Variants in CIB4 observed in about 807,000 individuals in gnomAD.
CIB4 encodes the protein calcium and integrin-binding family member 4.
Under a neutral mutation model 25.8 loss-of-function variants are expected in CIB4, and 25 were observed. The observed-to-expected ratio is 0.97, with a 90% CI of 0.71 to 1.35. The LOEUF (loss-of-function observed/expected upper bound fraction) is 1.35, where lower values mean the gene tolerates loss of function less well. Among genes scored for constraint, CIB4 ranks in the 40% most tolerant of loss-of-function variants. CIB4 has a pLI of 0.00. For synonymous variants in CIB4, 75 were observed against 81.4 expected (o/e 0.92, Z 0.42); for missense variants, 235 against 228.2 (o/e 1.03, Z -0.19).
Position 26,589,078 on chromosome 2 carries a change from T to TTCTTCTTCTTCTTCTTCC in CIB4, c.329-5181_329-5180insGGAAGAAGAAGAAGAAGA, listed in dbSNP as rs1558554948. ...CTTCTTCCTCTTCCTCTTCCTCTTC[T>TTCTTCTTCTTCTTCTTCC]TCTTCTTCTTCTTCTTCTTCTTCTT... On this transcript the variant is annotated intron_variant, in intron 4 of 6. Coordinates refer to ENST00000288861, the MANE Select transcript of CIB4 (RefSeq NM_001029881.3). 3.7e-4 allele frequency among the ~76,000 whole-genome samples: 12 copies of TTCTTCTTCTTCTTCTTCC among 32,572 alleles called. 2 individuals are homozygous for TTCTTCTTCTTCTTCTTCC. In the East Asian group the frequency reaches 4.5e-3, roughly 12 times the overall value. 21.4% of individuals were successfully genotyped at this position (32,572 alleles called of 152,430 possible).
intron 3 of CIB4, 33 bp downstream of exon 3, chr2:26,629,377 C>A (rs1332050190): frequency 7.2e-7 from 1 of 1,387,778 alleles, no homozygotes; most frequent in Admixed American, 2.0e-5. Context: ...CCCACTGATG[C>A]TGCCCTTGCC....
intron 3 of CIB4, chr2:26,623,497 C>T (rs1669243022): frequency 2.1e-6 from 1 of 471,182 alleles, no homozygotes. Flanking sequence ...GCAAGCTGTT[C>T]TAAGCAGATA....
At chr2:26,617,147 T>TGTGTGTGTGTGCGC (rs10665609) in intron 3 of CIB4, among the ~76,000 whole-genome samples, 27 of 150,410 alleles carry the variant, frequency 1.8e-4, no homozygotes, top group African/African-American at 6.4e-4. Context: ...TGTGTGTGTG[T>TGTGTGTGTGTGCGC]GCACGTGAGC....
Position 26,586,365 on chromosome 2 carries a change from CT to C in CIB4, c.329-2468del, listed in dbSNP as rs1668453264. On this transcript the variant is annotated intron_variant, in intron 4 of 6. Transcript: ENST00000288861. ...ACTCTCACCCAGAGATCCTCTAGGTCTTTATTCAAGTGTCGGCTCCTCCTAG... is the reference window on the plus strand; with the variant it reads ...ACTCTCACCCAGAGATCCTCTAGGTCTTATTCAAGTGTCGGCTCCTCCTAG... Among the ~76,000 whole-genome samples, 4 of 152,346 alleles carry C rather than the reference CT, an allele frequency of 2.6e-5. No individual in the cohort carries two copies. In the East Asian group the frequency reaches 7.7e-4, roughly 29 times the overall value.
At chr2:26,619,200 CAAAGG>C in intron 3 of CIB4, among the ~76,000 whole-genome samples, 1 of 152,154 alleles carries the variant, frequency 6.6e-6, no homozygotes, top group Non-Finnish European at 1.5e-5. Context: ...GGGATGAAAT[CAAAGG>C]AAAGAGGAGT....
intron 4 of CIB4, among the ~76,000 whole-genome samples, chr2:26,589,110 CTT>C (rs1210498100): frequency 9.0e-5 from 9 of 100,064 alleles, no homozygotes; most frequent in African/African-American, 4.7e-4. Context: ...TCTTCTTCCT[CTT>C]CTTCTTCTTC....
chr2:26,596,118 A>G (rs964473140), intron 3 of CIB4, among the ~76,000 whole-genome samples: 8 of 152,250 alleles, frequency 5.3e-5, no homozygotes, highest in African/African-American at 1.7e-4. Context: ...AAATAAAGGT[A>G]TAGATTTTCT....
Position 26,588,234 on chromosome 2 carries a change from C to G in CIB4, c.329-4336G>C, listed in dbSNP as rs540259168. The stretch of plus-strand genomic sequence containing the variant: ...CCCCAGGCGTCCTGCTGGCCCAGCT[C>G]TTCTATGCAGAGACTGCAGCAAATG... On this transcript the variant is annotated intron_variant, in intron 4 of 6. Coordinates refer to ENST00000288861, the MANE Select transcript of CIB4 (RefSeq NM_001029881.3). Among the ~76,000 whole-genome samples the G allele has an allele frequency of 3.3e-5, 5 of 152,382 alleles. No individual in the cohort carries two copies. The East Asian group carries it at 9.6e-4, about 29-fold the overall frequency.
At chr2:26,624,976 C>T (rs72857984) in intron 3 of CIB4, among the ~76,000 whole-genome samples, 143 of 152,202 alleles carry the variant, frequency 9.4e-4, no homozygotes, top group African/African-American at 3.3e-3. Context: ...CCATTCTCCA[C>T]GATGTGCTTA....
intron 3 of CIB4, among the ~76,000 whole-genome samples, chr2:26,604,466 T>C (rs1268921472): frequency 1.3e-5 from 2 of 152,032 alleles, no homozygotes; most frequent in Non-Finnish European, 2.9e-5. Flanking sequence ...AAAATGACAC[T>C]AGGTCTCTTA....
chr2:26,640,485 C>T, intron 2 of CIB4, 48 bp downstream of exon 2: 2 of 1,599,690 alleles, frequency 1.3e-6, no homozygotes, highest in Non-Finnish European at 1.7e-6. Flanking sequence ...GAATCCAGCT[C>T]AGAGGGAGGA....
At chr2:26,584,280 G>A (rs1194959931) in intron 4 of CIB4, among the ~76,000 whole-genome samples, 2 of 152,110 alleles carry the variant, frequency 1.3e-5, no homozygotes, top group African/African-American at 2.4e-5. Context: ...GCTGACCTCC[G>A]AGCCCCATAT....
rs1433325253 is a variant in CIB4 at position 26,595,237 on chromosome 2, T to C, written c.267A>G (p.Ala89=). 6.2e-7 allele frequency: 1 copy of C among 1,614,138 alleles called. No individual in the cohort carries two copies. The highest frequency in any genetic ancestry group is 1.1e-5 in the South Asian group (1 of 91,078). The change falls in exon 4 of 7, where the codon GCA becomes GCG. Residue 89 remains alanine (A), a synonymous_variant. Coordinates refer to ENST00000288861, the MANE Select transcript of CIB4 (RefSeq NM_001029881.3). The part of the protein sequence containing the change: ...MFSFEDVLGM[A]SVFSEQACPS... ...GGCAGGCCTGCTCGCTGAACACAGA[T>C]GCCATGCCCAGCACATCCTCAAAGG...
chr2:26,609,331 C>T (rs371165975), intron 3 of CIB4, among the ~76,000 whole-genome samples: 18 of 152,162 alleles, frequency 1.2e-4, no homozygotes, highest in East Asian at 9.7e-4. Context: ...GAGGCAGCAG[C>T]GGATGCAAAT....
chr2:26,593,420 A>G (rs762945372), intron 4 of CIB4, among the ~76,000 whole-genome samples: 1 of 152,016 alleles, frequency 6.6e-6, no homozygotes. Context: ...ATATACACAC[A>G]CATATATATA....
intron 2 of CIB4, among the ~76,000 whole-genome samples, chr2:26,634,966 G>A (rs1473598077): frequency 6.6e-6 from 1 of 152,240 alleles, no homozygotes; most frequent in Admixed American, 6.5e-5. Flanking sequence ...GTCTGGGCTG[G>A]AGTCAGGCTG....
At chr2:26,596,047 A>C (rs746051374) in intron 3 of CIB4, among the ~76,000 whole-genome samples, 2 of 152,240 alleles carry the variant, frequency 1.3e-5, no homozygotes, top group Admixed American at 1.3e-4. Context: ...AATATTGCCT[A>C]AGATATACAG....
At chr2:26,589,101 CTTCTTCCTCT>C (rs1668530099) in intron 4 of CIB4, among the ~76,000 whole-genome samples, 3 of 117,110 alleles carry the variant, frequency 2.6e-5, no homozygotes, top group African/African-American at 8.3e-5. Flanking sequence ...TCTTCTTCTT[CTTCTTCCTCT>C]TCTTCTTCTT....
chr2:26,619,921 C>T (rs1312307065), intron 3 of CIB4, among the ~76,000 whole-genome samples: 2 of 150,704 alleles, frequency 1.3e-5, no homozygotes, highest in South Asian at 2.1e-4. Flanking sequence ...ATCTCCATCC[C>T]GGAATCCCCT....
Sources: allele counts gnomAD v4.1 joint callset (sites outside exome capture counted in the v4.1 genomes callset), GRCh38; gene constraint gnomAD v4.1.1; transcripts MANE v1.5; gene names NCBI Gene and HGNC (gene_info 2026-07-23, HGNC 2026-07-21).